The following NAPB variants were observed in gnomAD, a reference collection of about 807,000 sequenced individuals.
NAPB encodes the protein beta-soluble NSF attachment protein.
A neutral mutation model predicts 44.7 loss-of-function variants in NAPB; 26 were observed. The observed-to-expected ratio is 0.58, with a 90% CI of 0.43 to 0.81. The LOEUF is 0.81. Among genes scored for constraint, NAPB ranks in the 30% least tolerant of loss-of-function variants. The pLI is 0.00. For missense variants in NAPB, 315 were observed against 356.4 expected, an observed-to-expected ratio of 0.88 and a Z score of 0.94; for synonymous variants, 120 against 116.8, an observed-to-expected ratio of 1.03 and a Z score of -0.18.
intron 1 of NAPB, among the ~76,000 whole-genome samples, chr20:23,414,176 G>A (rs1985848743): frequency 6.6e-6 from 1 of 152,066 alleles, no homozygotes; most frequent in Non-Finnish European, 1.5e-5. Context: ...ACAAAAATTA[G>A]CTGGGCATGG....
At chr20:23,387,856 G>A (rs1983644780) in intron 7 of NAPB, among the ~76,000 whole-genome samples, 1 of 152,138 alleles carries the variant, frequency 6.6e-6, no homozygotes, top group Non-Finnish European at 1.5e-5. Context: ...GGGCTACAGG[G>A]TGCCCAGATA....
intron 3 of NAPB, 95 bp from the exon 4 acceptor site, chr20:23,395,280 A>G: frequency 1.5e-6 from 2 of 1,320,912 alleles, no homozygotes; most frequent in African/African-American, 1.5e-5. Flanking sequence ...CAGAACGTTA[A>G]TGAGGTATAA....
At chr20:23,398,791 C>T (rs1984585718) in intron 2 of NAPB, among the ~76,000 whole-genome samples, 1 of 151,172 alleles carries the variant, frequency 6.6e-6, no homozygotes, top group South Asian at 2.1e-4. Context: ...TTGCAGTGAG[C>T]CGAGACTGTG....
At chr20:23,382,570 G>A (rs1364667761) in intron 7 of NAPB, among the ~76,000 whole-genome samples, 1 of 151,334 alleles carries the variant, frequency 6.6e-6, no homozygotes, top group Non-Finnish European at 1.5e-5. Context: ...TGAAGCTAAT[G>A]GAAAAATGGA....
chr20:23,418,530 T>C (rs1173860793), intron 1 of NAPB, among the ~76,000 whole-genome samples: 1 of 152,142 alleles, frequency 6.6e-6, no homozygotes, highest in East Asian at 1.9e-4. Context: ...AGTACTCTTC[T>C]TCCTGCAAGC....
intron 1 of NAPB, among the ~76,000 whole-genome samples, chr20:23,404,702 T>C (rs1985106968): frequency 1.3e-5 from 2 of 152,222 alleles, no homozygotes; most frequent in South Asian, 4.1e-4. Flanking sequence ...TCTAGATCCA[T>C]GTATGGAAGG....
At chr20:23,413,199 G>A (rs1172244290) in intron 1 of NAPB, among the ~76,000 whole-genome samples, 4 of 150,870 alleles carry the variant, frequency 2.7e-5, no homozygotes, top group Admixed American at 6.6e-5. Flanking sequence ...AAGTGGCAAC[G>A]AAAATCTCAG....
chr20:23,416,249 C>A (rs1024114460), intron 1 of NAPB, among the ~76,000 whole-genome samples: 1 of 151,884 alleles, frequency 6.6e-6, no homozygotes, highest in Non-Finnish European at 1.5e-5. Flanking sequence ...ACAGAGCTCA[C>A]AAGAATGAAA....
intron 2 of NAPB, among the ~76,000 whole-genome samples, chr20:23,398,995 T>G (rs1467662267): frequency 6.8e-6 from 1 of 146,826 alleles, no homozygotes; most frequent in Admixed American, 7.0e-5. Flanking sequence ...GCCGTAAACA[T>G]CCAATTCTGC....
rs190136943 is a variant in NAPB, at chr20:23,395,465, A to G, written c.296-280T>C. On this transcript the variant is annotated intron_variant, in intron 3 of 10. Coordinates refer to ENST00000377026, the MANE Select transcript of NAPB (RefSeq NM_022080.3). ...AAAGTGAGGACTCCATCCAGGCAAAAGACTGTATTATAAAGAAAATAAAAC... is the reference window on the plus strand; with the variant it reads ...AAAGTGAGGACTCCATCCAGGCAAAGGACTGTATTATAAAGAAAATAAAAC... 2.2e-3 allele frequency among the ~76,000 whole-genome samples: 330 copies of G among 152,336 alleles called. 1 individual carries two copies. Among genetic ancestry groups the G allele is most frequent in the South Asian group, 5.8e-3 (28 of 4,828 alleles).
chr20:23,405,307 CAGAGAA>C (rs999357539), intron 1 of NAPB, among the ~76,000 whole-genome samples: 2 of 143,534 alleles, frequency 1.4e-5, no homozygotes, highest in African/African-American at 2.5e-5. Flanking sequence ...GAGAGAGAGA[CAGAGAA>C]AGAGAGAGAG....
chr20:23,412,945 G>A (rs941036071), intron 1 of NAPB, among the ~76,000 whole-genome samples: 10 of 151,702 alleles, frequency 6.6e-5, no homozygotes, highest in Non-Finnish European at 8.9e-5. Flanking sequence ...GCAGTGAGCC[G>A]CACCACTGTA....
intron 2 of NAPB, among the ~76,000 whole-genome samples, chr20:23,398,616 G>A (rs1260817778): frequency 6.6e-6 from 1 of 151,980 alleles, no homozygotes; most frequent in Non-Finnish European, 1.5e-5. Context: ...CAAGGCAGGT[G>A]GATTACCTGA....
At chr20:23,396,144 T>G (rs1600578575) in intron 3 of NAPB, among the ~76,000 whole-genome samples, 3 of 152,342 alleles carry the variant, frequency 2.0e-5, no homozygotes. Context: ...GAAAATGAGA[T>G]TATACAACAT....
chr20:23,420,424 G>A (rs1345381278), intron 1 of NAPB, among the ~76,000 whole-genome samples: 1 of 152,096 alleles, frequency 6.6e-6, no homozygotes, highest in South Asian at 2.1e-4. Flanking sequence ...TGTACTCGGC[G>A]CAAGGCCCCT....
At chr20:23,385,920 T>C (rs1386618937) in intron 7 of NAPB, among the ~76,000 whole-genome samples, 1 of 152,116 alleles carries the variant, frequency 6.6e-6, no homozygotes, top group Non-Finnish European at 1.5e-5. Context: ...AGACCATATC[T>C]AGGCCATAAA....
At chr20:23,412,968 C>A (rs1452138611) in intron 1 of NAPB, among the ~76,000 whole-genome samples, 1 of 152,108 alleles carries the variant, frequency 6.6e-6, no homozygotes, top group African/African-American at 2.4e-5. Flanking sequence ...CCAGCCTGGG[C>A]AACAGCGTGA....
intron 1 of NAPB, among the ~76,000 whole-genome samples, chr20:23,418,558 T>C (rs1413614600): frequency 6.6e-6 from 1 of 152,230 alleles, no homozygotes; most frequent in Non-Finnish European, 1.5e-5. Context: ...GAGCAAGTAT[T>C]ACTGGAAATA....
intron 2 of NAPB, among the ~76,000 whole-genome samples, chr20:23,399,683 G>A (rs1984684173): frequency 6.6e-6 from 1 of 152,216 alleles, no homozygotes. Flanking sequence ...ATCCAGAAGG[G>A]GCAAAGGCCA....
Sources: allele counts gnomAD v4.1 joint callset (sites outside exome capture counted in the v4.1 genomes callset), GRCh38; gene constraint gnomAD v4.1.1; transcripts MANE v1.5; gene names NCBI Gene and HGNC (gene_info 2026-07-23, HGNC 2026-07-21).